Variants in DOCK8 observed in about 807,000 individuals in gnomAD.
The protein encoded by DOCK8 is dedicator of cytokinesis protein 8.
DOCK8 carries 141 observed loss-of-function variants against 245.6 expected under a neutral mutation model. The ratio of observed to expected loss-of-function variants is 0.57; its 90% CI spans 0.50 to 0.66. The LOEUF (loss-of-function observed/expected upper bound fraction) is 0.66, where lower values mean the gene tolerates loss of function less well. Ranked by LOEUF, DOCK8 falls within the 30% of genes least tolerant of loss-of-function variation. DOCK8 has a pLI of 0.00. For synonymous variants in DOCK8, 1,168 were observed against 970.2 expected (o/e 1.20, Z -3.79); for missense variants, 2,965 against 2,603.4 (o/e 1.14, Z -3.02).
intron 46 of DOCK8, chr9:460,388 A>T (rs1354163402): frequency 6.6e-6 from 1 of 152,214 alleles, no homozygotes; most frequent in Admixed American, 6.5e-5. Context: ...GGCAGGACTC[A>T]TCCCACCTCC....
intron 39 of DOCK8, 92 bp from the exon 40 acceptor site, chr9:439,153 A>G: frequency 6.5e-7 from 1 of 1,535,620 alleles, no homozygotes; most frequent in Non-Finnish European, 9.0e-7. Context: ...GGATCTGCAC[A>G]CCAGCTTCCT....
chr9:237,622 T>A (rs964457519), intron 1 of DOCK8, among the ~76,000 whole-genome samples: 2 of 152,100 alleles, frequency 1.3e-5, no homozygotes, highest in African/African-American at 4.8e-5. Flanking sequence ...ACCACTGCAC[T>A]CCAGTCTGGG....
At chr9:289,247 C>T (rs1051049127) in intron 3 of DOCK8, among the ~76,000 whole-genome samples, 6 of 152,084 alleles carry the variant, frequency 3.9e-5, no homozygotes, top group East Asian at 1.9e-4. Flanking sequence ...TGAATGCCTT[C>T]GGGGATAGTT....
At chr9:416,494 C>A (rs1412849619) in intron 29 of DOCK8, among the ~76,000 whole-genome samples, 1 of 152,104 alleles carries the variant, frequency 6.6e-6, no homozygotes, top group South Asian at 2.1e-4. Context: ...ACCTCAAAGA[C>A]TTCTTTGTAT....
chr9:447,787 C>G (rs890085104), intron 44 of DOCK8, among the ~76,000 whole-genome samples: 2 of 152,174 alleles, frequency 1.3e-5, no homozygotes, highest in African/African-American at 4.8e-5. Flanking sequence ...AATAGCTGAG[C>G]TAACTGGAGA....
intron 2 of DOCK8, among the ~76,000 whole-genome samples, chr9:279,003 A>G (rs1207219755): frequency 6.6e-6 from 1 of 152,208 alleles, no homozygotes; most frequent in Non-Finnish European, 1.5e-5. Context: ...AACTCAGGAA[A>G]GCAATACCGG....
At chr9:284,885 A>G (rs866662000) in intron 2 of DOCK8, among the ~76,000 whole-genome samples, 10 of 152,200 alleles carry the variant, frequency 6.6e-5, no homozygotes, top group Middle Eastern at 6.3e-3. Context: ...AGTGGGAGCT[A>G]AATGATGAGA....
chr9:436,848 A>C (rs1005011163), intron 39 of DOCK8, among the ~76,000 whole-genome samples: 25 of 152,182 alleles, frequency 1.6e-4, no homozygotes, highest in Admixed American at 4.6e-4. Flanking sequence ...AATTATTCCA[A>C]TCTTTGTTCA....
At chr9:401,016 T>TCAC (rs2055059401) in intron 26 of DOCK8, among the ~76,000 whole-genome samples, 2 of 94,868 alleles carry the variant, frequency 2.1e-5, no homozygotes, top group Admixed American at 1.1e-4. Flanking sequence ...AGCTCCACCA[T>TCAC]GACCACCTCC....
intron 39 of DOCK8, among the ~76,000 whole-genome samples, chr9:437,858 T>C (rs559718098): frequency 5.9e-5 from 9 of 152,352 alleles, no homozygotes; most frequent in African/African-American, 1.7e-4. Context: ...TCCCTGATCC[T>C]GAAGCCAAGA....
intron 4 of DOCK8, among the ~76,000 whole-genome samples, chr9:296,939 T>C (rs1389765393): frequency 6.6e-6 from 1 of 152,152 alleles, no homozygotes; most frequent in African/African-American, 2.4e-5. Flanking sequence ...ATGTGGGTTC[T>C]GATTTTCCAT....
At chr9:456,070 C>T (rs1208933986) in intron 46 of DOCK8, 1 of 152,228 alleles carries the variant, frequency 6.6e-6, no homozygotes, top group African/African-American at 2.4e-5. Context: ...GATGGCCTGC[C>T]CTCCACTTCA....
chr9:388,216 G>A (rs2054035477), intron 23 of DOCK8, among the ~76,000 whole-genome samples: 1 of 152,118 alleles, frequency 6.6e-6, no homozygotes, highest in African/African-American at 2.4e-5. Context: ...TGCACAGTTA[G>A]ACCACCTGCT....
intron 18 of DOCK8, among the ~76,000 whole-genome samples, chr9:373,901 T>A (rs143258499): frequency 1.3e-5 from 2 of 152,294 alleles, no homozygotes; most frequent in East Asian, 1.9e-4. Context: ...AGTTGCACAC[T>A]CTAATTTCTT....
rs764310893 is a variant in DOCK8, at chr9:379,789, C to T, written c.2459C>T (p.Ala820Val). The change falls in exon 21 of 48, where the codon GCC becomes GTC. Residue 820 changes from alanine to valine, a missense_variant. Transcript: ENST00000432829. ...AGQTANFSQF[A>V]FESVVAIANS... ...TCCTCAGCCAACTTCTCCCAGTTTG[C>T]CTTCGAGTCCGTGGTGGCCATCGCC... The T allele has an allele frequency of 6.2e-7, 1 of 1,614,182 alleles. No homozygotes were observed. The highest frequency in any genetic ancestry group is 8.5e-7 in the Non-Finnish European group (1 of 1,180,042).
At chr9:454,075 G>T (rs950921897) in intron 46 of DOCK8, among the ~76,000 whole-genome samples, 1 of 152,190 alleles carries the variant, frequency 6.6e-6, no homozygotes, top group Non-Finnish European at 1.5e-5. Context: ...GGACTATAAA[G>T]ATCAGAAAAG....
intron 1 of DOCK8, among the ~76,000 whole-genome samples, chr9:248,249 C>A (rs1294266212): frequency 6.6e-6 from 1 of 152,204 alleles, no homozygotes; most frequent in Non-Finnish European, 1.5e-5. Context: ...TCCCTATAGT[C>A]TCCCTGGCCT....
intron 1 of DOCK8, among the ~76,000 whole-genome samples, chr9:251,675 T>G (rs1220960298): frequency 6.6e-6 from 1 of 152,162 alleles, no homozygotes; most frequent in Non-Finnish European, 1.5e-5. Flanking sequence ...TCTTAACCTT[T>G]CTTGGCTTCA....
intron 1 of DOCK8, among the ~76,000 whole-genome samples, chr9:265,216 G>GCCAC (rs1468751248): frequency 2.0e-5 from 3 of 150,596 alleles, no homozygotes; most frequent in African/African-American, 7.4e-5. Context: ...ACAGGCTTGA[G>GCCAC]CCACCGTGCC....
Sources: gnomAD v4.1 joint callset for allele counts (sites outside exome capture counted in the v4.1 genomes callset) on GRCh38, gnomAD v4.1.1 for gene constraint, MANE v1.5 for transcripts, NCBI Gene and HGNC (gene_info 2026-07-23, HGNC 2026-07-21) for gene names.